Variants in CSMD1 observed in about 807,000 individuals in gnomAD.
CSMD1 encodes CUB and sushi domain-containing protein 1.
A neutral mutation model predicts 417.5 loss-of-function variants in CSMD1; 213 were observed. That is an observed-to-expected ratio of 0.51 (90% CI 0.46 to 0.57). The LOEUF (loss-of-function observed/expected upper bound fraction) is 0.57. CSMD1 is among the 20% of genes least tolerant of loss of function. The pLI is 0.00. For missense variants in CSMD1, 6,923 were observed against 4,529.7 expected, an observed-to-expected ratio of 1.53 and a Z score of -15.17; for synonymous variants, 2,862 against 1,736.8, an observed-to-expected ratio of 1.65 and a Z score of -16.11.
intron 3 of CSMD1, among the ~76,000 whole-genome samples, chr8:4,043,225 G>T (rs1019284426): frequency 2.0e-5 from 3 of 151,994 alleles, no homozygotes; most frequent in African/African-American, 7.3e-5. Context: ...CACTAAAATA[G>T]CAAAGACAAA....
chr8:4,755,517 CT>C (rs1356302890), intron 1 of CSMD1, among the ~76,000 whole-genome samples: 1 of 152,086 alleles, frequency 6.6e-6, no homozygotes, highest in Admixed American at 6.5e-5. Flanking sequence ...ATGTTTCCTG[CT>C]TTCAACTCTG....
chr8:4,657,276 G>A (rs1377328019), intron 1 of CSMD1, among the ~76,000 whole-genome samples: 1 of 152,186 alleles, frequency 6.6e-6, no homozygotes, highest in African/African-American at 2.4e-5. Context: ...AGGCAGAGTT[G>A]TAAAAAGCCT....
At chr8:3,918,160 G>A (rs1443137760) in intron 5 of CSMD1, among the ~76,000 whole-genome samples, 3 of 152,084 alleles carry the variant, frequency 2.0e-5, no homozygotes, top group Non-Finnish European at 2.9e-5. Context: ...AAACATGGGA[G>A]TGAAAGTGTG....
rs530077464 is a variant in CSMD1 at position 3,906,781 on chromosome 8, T to C, written c.818+91122A>G. Among the ~76,000 whole-genome samples, 7 of 152,316 alleles carry C rather than the reference T, an allele frequency of 4.6e-5. No individual in the cohort carries two copies. The South Asian group carries it at 1.5e-3, about 32-fold the overall frequency. ...TACAAGAGGAAAAATGACTTTTATA[T>C]TGAACATATATACAGACAAAATATA... is the stretch of plus-strand genomic sequence containing the variant. On this transcript the variant is annotated intron_variant, in intron 5 of 69. Transcript: ENST00000635120.
intron 3 of CSMD1, among the ~76,000 whole-genome samples, chr8:4,292,500 C>T (rs991658728): frequency 2.6e-5 from 4 of 152,092 alleles, no homozygotes; most frequent in African/African-American, 4.8e-5. Context: ...AATCTGCCTG[C>T]CTTGGCCTCC....
chr8:3,523,786 G>C (rs983040137), intron 10 of CSMD1, among the ~76,000 whole-genome samples: 2 of 138,710 alleles, frequency 1.4e-5, no homozygotes, highest in Non-Finnish European at 3.0e-5. Context: ...CACACCCAGA[G>C]ACATATGCAC....
intron 5 of CSMD1, among the ~76,000 whole-genome samples, chr8:3,779,116 G>A (rs1417620433): frequency 1.2e-4 from 18 of 151,496 alleles, no homozygotes; most frequent in Admixed American, 1.1e-3. Context: ...CTATTTTTCA[G>A]ATAAATAAAA....
At chr8:3,119,817 C>A (rs1817091884) in intron 41 of CSMD1, among the ~76,000 whole-genome samples, 1 of 152,142 alleles carries the variant, frequency 6.6e-6, no homozygotes, top group African/African-American at 2.4e-5. Context: ...GGGGGAACCT[C>A]CGCCCTGCCA....
At chr8:4,109,832 A>C (rs1195765482) in intron 3 of CSMD1, among the ~76,000 whole-genome samples, 2 of 152,178 alleles carry the variant, frequency 1.3e-5, no homozygotes, top group Non-Finnish European at 2.9e-5. Flanking sequence ...TACTTAAAAC[A>C]GAGTAAGATA....
At chr8:2,962,667 G>C (rs770201744) in intron 60 of CSMD1, 28 bp from the exon 61 acceptor site, 4 of 1,605,070 alleles carry the variant, frequency 2.5e-6, no homozygotes, top group South Asian at 1.1e-5. Context: ...GAAGAAGTCA[G>C]CCTTCAACGT....
intron 3 of CSMD1, among the ~76,000 whole-genome samples, chr8:4,195,894 T>G (rs796125435): frequency 6.6e-6 from 1 of 151,870 alleles, no homozygotes; most frequent in Non-Finnish European, 1.5e-5. Context: ...CTCAGCACAG[T>G]CCCACCCCGA....
At chr8:4,312,453 A>C (rs553127955) in intron 3 of CSMD1, among the ~76,000 whole-genome samples, 2 of 121,178 alleles carry the variant, frequency 1.7e-5, no homozygotes, top group Admixed American at 1.5e-4. Flanking sequence ...ATATATACGT[A>C]TATATATGCG....
chr8:3,575,638 C>T lies in CSMD1; in HGVS notation c.1223-572G>A, dbSNP rs146693359. Among the ~76,000 whole-genome samples the T allele has an allele frequency of 5.3e-4, 81 of 152,140 alleles. 1 individual carries two copies. In the East Asian group the frequency reaches 0.013, roughly 24 times the overall value. ...GATTCTATTCTACAATAAACTATAC[C>T]AATTTCTTTACAGCACAACGCAAAT... On this transcript the variant is annotated intron_variant, in intron 9 of 69. Transcript: ENST00000635120.
chr8:3,382,710 G>A (rs1398319420), intron 18 of CSMD1, among the ~76,000 whole-genome samples: 1 of 150,508 alleles, frequency 6.6e-6, no homozygotes, highest in Non-Finnish European at 1.5e-5. Context: ...TATTAGTGTT[G>A]CATTTCTTCT....
rs1812710855 is a variant in CSMD1 at position 3,411,680 on chromosome 8, A to ATACGTATATATACACG, written c.1562-2076_1562-2075insCGTGTATATATACGTA. Among the ~76,000 whole-genome samples, 276 of 70,670 alleles carry ATACGTATATATACACG rather than the reference A, an allele frequency of 3.9e-3. 22 individuals carry two copies. Among genetic ancestry groups the ATACGTATATATACACG allele is most frequent in the East Asian group, 0.025 (94 of 3,752 alleles). 46.4% of individuals were successfully genotyped at this position (70,670 alleles called of 152,430 possible). On this transcript the variant is annotated intron_variant, in intron 12 of 69. Coordinates refer to ENST00000635120, the MANE Select transcript of CSMD1 (RefSeq NM_033225.6). The stretch of plus-strand genomic sequence containing the variant: ...CATATATATATATACGTGTATATAT[A>ATACGTATATATACACG]CGTGTATATATACACACGTATATAT...
Position 3,127,767 on chromosome 8 carries a change from C to A in CSMD1, c.6242-9180G>T, listed in dbSNP as rs148611919. The A allele has an allele frequency of 5.6e-4, 85 of 151,944 alleles. No individual in the cohort carries two copies. The East Asian group carries it at 0.016, about 28-fold the overall frequency. The allele number at this position is 151,944 out of a possible 1,614,324, so 9.4% of individuals were successfully genotyped here. A position where few individuals can be genotyped will look rare whatever the true frequency, so the allele number is the denominator to read the frequency against. On this transcript the variant is annotated intron_variant, in intron 41 of 69. Coordinates refer to ENST00000635120, the MANE Select transcript of CSMD1 (RefSeq NM_033225.6). ...GAGATTTTGGCATTGAATAAGTTTT[C>A]TTTCCCAAAAAAGTTTATGCATTAG...
At chr8:4,842,991 T>C (rs1464456629) in intron 1 of CSMD1, among the ~76,000 whole-genome samples, 1 of 152,208 alleles carries the variant, frequency 6.6e-6, no homozygotes. Context: ...GCTTGTTGAA[T>C]AGTCATCTAA....
At chr8:4,889,379 T>C (rs1247115061) in intron 1 of CSMD1, among the ~76,000 whole-genome samples, 1 of 152,140 alleles carries the variant, frequency 6.6e-6, no homozygotes, top group Non-Finnish European at 1.5e-5. Flanking sequence ...TAAGGAAGAC[T>C]GAGAAACCAC....
chr8:4,726,161 C>A (rs1052658299), intron 1 of CSMD1, among the ~76,000 whole-genome samples: 2 of 152,064 alleles, frequency 1.3e-5, no homozygotes, highest in Non-Finnish European at 2.9e-5. Flanking sequence ...CAGATGAATA[C>A]AAAACCTACA....
Sources: allele counts gnomAD v4.1 joint callset (sites outside exome capture counted in the v4.1 genomes callset), GRCh38; gene constraint gnomAD v4.1.1; transcripts MANE v1.5; gene names NCBI Gene and HGNC (gene_info 2026-07-23, HGNC 2026-07-21).